The following MOB1B variants were observed in gnomAD, a reference collection of about 807,000 sequenced individuals.
MOB1B encodes MOB kinase activator 1B, also known as MOB1 Mps One Binder homolog B.
Under a neutral mutation model 24.4 loss-of-function variants are expected in MOB1B, and 19 were observed. The ratio of observed to expected loss-of-function variants is 0.78; its 90% CI spans 0.54 to 1.14. The LOEUF (loss-of-function observed/expected upper bound fraction) is 1.14, where lower values mean the gene tolerates loss of function less well. Among genes scored for constraint, MOB1B ranks in the 50% most tolerant of loss-of-function variants. The pLI is 0.00. For missense variants in MOB1B, 243 were observed against 259.6 expected (o/e 0.94, Z 0.44); for synonymous variants, 76 against 82.1 (o/e 0.93, Z 0.40).
chr4:70,976,133 C>T (rs1738984755), intron 4 of MOB1B: 14 of 814,428 alleles, frequency 1.7e-5, no homozygotes, highest in Non-Finnish European at 2.1e-5. Context: ...AACTCCTGAC[C>T]TCAAGTGATC....
intron 5 of MOB1B, among the ~76,000 whole-genome samples, 158 bp downstream of exon 5, chr4:70,979,449 T>A (rs1204304769): frequency 6.6e-6 from 1 of 152,226 alleles, no homozygotes; most frequent in African/African-American, 2.4e-5. Flanking sequence ...ACTGACTTTT[T>A]GTTTCTAAAT....
At chr4:70,914,194 A>ATCTTGAACTATACAGGC (rs1210666047) in intron 1 of MOB1B, among the ~76,000 whole-genome samples, 4 of 152,184 alleles carry the variant, frequency 2.6e-5, no homozygotes, top group Non-Finnish European at 5.9e-5. Context: ...TGGTGACTTG[A>ATCTTGAACTATACAGGC]TCTTGAACTA....
In MOB1B at chr4:70,985,673, C is replaced by T. The variant is rs1739354979; in HGVS notation, c.*3616C>T. On this transcript the variant is annotated 3_prime_UTR_variant, in exon 6 of 6. Coordinates refer to ENST00000309395, the MANE Select transcript of MOB1B (RefSeq NM_173468.4). ...CAAGTAGCTGGGATTACAGGCAGCA[C>T]CACACCTGGCTAATTTTCATATTTT... is the stretch of plus-strand genomic sequence containing the variant. 1 of 152,150 alleles carries T rather than the reference C, an allele frequency of 6.6e-6. No individual in the cohort carries two copies. Among genetic ancestry groups the T allele is most frequent in the Non-Finnish European group, 1.5e-5 (1 of 68,130 alleles). 9.4% of individuals were successfully genotyped at this position (152,150 alleles called of 1,614,324 possible).
intron 2 of MOB1B, among the ~76,000 whole-genome samples, chr4:70,967,369 G>C (rs981983363): frequency 2.0e-5 from 3 of 152,126 alleles, no homozygotes; most frequent in African/African-American, 7.2e-5. Flanking sequence ...TCTGACCTCA[G>C]ATGGTCCACC....
At position 70,975,206 on chromosome 4, in the gene MOB1B, C is replaced by T. The variant is rs1247747287; in HGVS notation, c.329C>T (p.Ser110Phe). The T allele has an allele frequency of 6.2e-7, 1 of 1,613,162 alleles. No homozygotes were observed. The highest frequency in any genetic ancestry group is 8.5e-7 in the Non-Finnish European group (1 of 1,179,530). Residue 110 changes from serine (S) to phenylalanine (F), a missense_variant, in exon 4 of 6, where the codon TCT (serine) becomes TTT (phenylalanine). By Grantham distance (155) the Ser-to-Phe change is radical. Transcript: ENST00000309395. ...GTNIKKPIKC[S>F]APKYIDYLMT... ...AACATAAAGAAACCTATTAAGTGCT[C>T]TGCACCAAAGTATATTGATTACTTG...
intron 2 of MOB1B, 109 bp downstream of exon 2, chr4:70,959,149 TAA>T: frequency 1.3e-6 from 1 of 792,404 alleles, no homozygotes; most frequent in South Asian, 2.0e-5. Context: ...GCTAATATCA[TAA>T]AAGAGTGATA....
chr4:70,902,375 A>C lies in MOB1B; in HGVS notation c.-162A>C. ...TCCGCCCCCTCCCCCTGCCATTGGA[A>C]CTAGCTGAGCCGAACTAGTTGCGGC... On this transcript the variant is annotated 5_prime_UTR_variant, in exon 1 of 6. Transcript: ENST00000309395. 1.4e-6 allele frequency: 1 copy of C among 723,836 alleles called. No individual in the cohort carries two copies. 44.8% of individuals were successfully genotyped at this position (723,836 alleles called of 1,614,324 possible).
intron 1 of MOB1B, among the ~76,000 whole-genome samples, chr4:70,953,422 C>T (rs1042219415): frequency 1.3e-5 from 2 of 151,884 alleles, no homozygotes; most frequent in African/African-American, 2.4e-5. Flanking sequence ...ATAAAGCAGA[C>T]GGGTTAGATA....
intron 1 of MOB1B, among the ~76,000 whole-genome samples, chr4:70,924,879 C>T (rs1032365010): frequency 6.6e-6 from 1 of 152,112 alleles, no homozygotes; most frequent in African/African-American, 2.4e-5. Flanking sequence ...ATTTCTTAAT[C>T]CAGTCTATCA....
At chr4:70,969,578 C>T (rs1738672692) in intron 2 of MOB1B, among the ~76,000 whole-genome samples, 1 of 152,194 alleles carries the variant, frequency 6.6e-6, no homozygotes, top group South Asian at 2.1e-4. Flanking sequence ...ATTTGACCAC[C>T]TGGAAATTTC....
At chr4:70,955,219 C>T (rs1737992172) in intron 1 of MOB1B, among the ~76,000 whole-genome samples, 1 of 152,244 alleles carries the variant, frequency 6.6e-6, no homozygotes, top group African/African-American at 2.4e-5. Flanking sequence ...CTCGGACTTA[C>T]CTGAGTGCAG....
chr4:70,937,236 G>GT (rs1737122709), intron 1 of MOB1B, among the ~76,000 whole-genome samples: 1 of 150,900 alleles, frequency 6.6e-6, no homozygotes, highest in South Asian at 2.1e-4. Context: ...TTTTTTATTG[G>GT]TTTTTTGATT....
intron 1 of MOB1B, among the ~76,000 whole-genome samples, chr4:70,936,312 C>T (rs887377449): frequency 6.6e-6 from 1 of 152,162 alleles, no homozygotes; most frequent in Non-Finnish European, 1.5e-5. Flanking sequence ...TTTTGCTATG[C>T]TAATCATTAA....
intron 1 of MOB1B, among the ~76,000 whole-genome samples, chr4:70,944,406 C>G (rs1353873644): frequency 6.6e-6 from 1 of 152,082 alleles, no homozygotes; most frequent in East Asian, 1.9e-4. Flanking sequence ...CAACAGTGTA[C>G]TTTTTTCTCT....
At chr4:70,980,463 CA>C (rs1407043180) in intron 5 of MOB1B, among the ~76,000 whole-genome samples, 3 of 152,188 alleles carry the variant, frequency 2.0e-5, no homozygotes, top group Non-Finnish European at 4.4e-5. Context: ...GGGATTGATA[CA>C]TAGCATTTAC....
chr4:70,906,497 G>T (rs1174304791), intron 1 of MOB1B, among the ~76,000 whole-genome samples: 1 of 152,200 alleles, frequency 6.6e-6, no homozygotes, highest in Non-Finnish European at 1.5e-5. Context: ...CGTAAATACT[G>T]AACATCAATA....
chr4:70,935,438 G>C (rs1001123425), intron 1 of MOB1B, among the ~76,000 whole-genome samples: 1 of 152,190 alleles, frequency 6.6e-6, no homozygotes, highest in East Asian at 1.9e-4. Flanking sequence ...TTAGCGGCTT[G>C]GCAACATAAA....
At chr4:70,965,741 G>A (rs148319181) in intron 2 of MOB1B, among the ~76,000 whole-genome samples, 1,598 of 139,342 alleles carry the variant, frequency 0.011, 29 homozygotes, top group African/African-American at 0.041. Flanking sequence ...AGTTTGCAGC[G>A]AGCCGAGATC....
chr4:70,970,245 T>C (rs1560663004), intron 3 of MOB1B, among the ~76,000 whole-genome samples: 1 of 152,136 alleles, frequency 6.6e-6, no homozygotes, highest in Non-Finnish European at 1.5e-5. Flanking sequence ...ACTGGATTAC[T>C]GGAAATACCT....
Sources: allele counts gnomAD v4.1 joint callset (sites outside exome capture counted in the v4.1 genomes callset), GRCh38; gene constraint gnomAD v4.1.1; transcripts MANE v1.5; gene names NCBI Gene and HGNC (gene_info 2026-07-23, HGNC 2026-07-21).